Variants in TJP1 observed in about 807,000 individuals in gnomAD.
The protein encoded by TJP1 is tight junction protein ZO-1.
In TJP1, 43 loss-of-function variants were observed where a neutral mutation model predicts 194.2. The ratio of observed to expected loss-of-function variants is 0.22; its 90% CI spans 0.17 to 0.29. The LOEUF is 0.29. TJP1 is among the 10% of genes least tolerant of loss of function. TJP1 has a pLI of 1.00. For missense variants in TJP1, 1,971 were observed against 2,185.7 expected (o/e 0.90, Z 1.96); for synonymous variants, 801 against 779.0 (o/e 1.03, Z -0.47).
chr15:29,709,181 G>T, intron 24 of TJP1, 145 bp from the exon 25 acceptor site: 3 of 728,976 alleles, frequency 4.1e-6, no homozygotes, highest in Non-Finnish European at 6.7e-6. Context: ...TGGAGGCTAG[G>T]TGTGATGCTG....
intron 2 of TJP1, among the ~76,000 whole-genome samples, chr15:29,859,426 T>G (rs1176247985): frequency 6.6e-6 from 1 of 152,216 alleles, no homozygotes; most frequent in Non-Finnish European, 1.5e-5. Flanking sequence ...CTCCATCATC[T>G]GATTATGAAA....
At chr15:29,777,736 C>CT (rs2047107602) in intron 2 of TJP1, among the ~76,000 whole-genome samples, 1 of 152,078 alleles carries the variant, frequency 6.6e-6, no homozygotes, top group Non-Finnish European at 1.5e-5. Context: ...ACAGAGCAAA[C>CT]TAACTTCTAG....
intron 2 of TJP1, among the ~76,000 whole-genome samples, chr15:29,918,171 T>C (rs2054245490): frequency 6.6e-6 from 1 of 152,254 alleles, no homozygotes; most frequent in Non-Finnish European, 1.5e-5. Context: ...CCTTCCTTTT[T>C]AAAGCTGAAT....
chr15:29,761,680 T>G lies in TJP1; in HGVS notation c.783A>C (p.Gln261His). 1 of 1,610,628 alleles carries G rather than the reference T, an allele frequency of 6.2e-7. No individual in the cohort carries two copies. Among genetic ancestry groups the G allele is most frequent in the Non-Finnish European group, 8.5e-7 (1 of 1,177,156 alleles). ...TCAATAGCGTAGCCCGTTCATCTCT[T>G]TGAACTACCATTTTTAATTTGCCTT... ...RSKGKLKMVV[Q>H]RDERATLLNV... is the part of the protein sequence containing the mutation. Residue 261 changes from glutamine (Q) to histidine (H), a missense_variant, in exon 7 of 28, where the codon CAA (glutamine) becomes CAC (histidine). This residue lies in a region of TJP1 where 245 missense variants were observed against 336.6 expected (regional missense o/e 0.73). Transcript: ENST00000614355.
rs777548424 is a variant in TJP1 at position 29,828,599 on chromosome 15, T to C, written c.307-27897A>G. ...CCCCCATATGAACACTTGATAATAT[T>C]AATCTTTTATAGTTTCACCTATCTG... On this transcript the variant is annotated intron_variant, in intron 2 of 28. Coordinates refer to the TJP1 transcript ENST00000356107. Among the ~76,000 whole-genome samples the C allele has an allele frequency of 2.0e-5, 3 of 152,220 alleles. No homozygotes were observed. The East Asian group carries it at 5.8e-4, about 29-fold the overall frequency.
At chr15:29,751,002 G>C (rs1228717190) in intron 8 of TJP1, among the ~76,000 whole-genome samples, 1 of 152,194 alleles carries the variant, frequency 6.6e-6, no homozygotes, top group Non-Finnish European at 1.5e-5. Context: ...CAAAAAGACA[G>C]AAAAGTGAAG....
chr15:29,728,089 TG>T lies in TJP1; in HGVS notation c.2018-71del. On this transcript the variant is annotated intron_variant, in intron 15 of 27. Coordinates refer to ENST00000614355, the MANE Select transcript of TJP1 (RefSeq NM_001330239.4). Reference sequence around the variant, plus strand: ...GGTTAGACAGGAGTTTCTCAACTACTGGCCACAACTGATATGCCGGACTGGA... The same window carrying T: ...GGTTAGACAGGAGTTTCTCAACTACTGCCACAACTGATATGCCGGACTGGA... The T allele has an allele frequency of 2.4e-6, 3 of 1,233,250 alleles. No individual in the cohort carries two copies. In the South Asian group the frequency reaches 3.6e-5, roughly 15 times the overall value. 76.4% of individuals were successfully genotyped at this position (1,233,250 alleles called of 1,614,324 possible).
chr15:29,850,800 C>A (rs1049415160), intron 2 of TJP1, among the ~76,000 whole-genome samples: 1 of 151,222 alleles, frequency 6.6e-6, no homozygotes, highest in Non-Finnish European at 1.5e-5. Context: ...CGGGGGGTAA[C>A]AGAGCAAAAC....
chr15:29,773,158 G>A, intron 3 of TJP1, 75 bp downstream of exon 3: 4 of 1,564,528 alleles, frequency 2.6e-6, no homozygotes, highest in South Asian at 1.2e-5. Flanking sequence ...CTAAGACAGT[G>A]TAAGACAGTA....
chr15:29,887,576 C>G (rs777869158), intron 2 of TJP1, among the ~76,000 whole-genome samples: 6 of 152,040 alleles, frequency 3.9e-5, no homozygotes, highest in Non-Finnish European at 7.4e-5. Flanking sequence ...GCTGGGATTA[C>G]AGGCATGAGC....
chr15:29,719,693 G>A (rs1328926823), intron 20 of TJP1, 84 bp downstream of exon 20: 2 of 1,524,682 alleles, frequency 1.3e-6, no homozygotes, highest in East Asian at 2.3e-5. Flanking sequence ...AAAGCAAAAG[G>A]AACACTTAAA....
At chr15:29,949,208 A>T (rs1470422891) in intron 2 of TJP1, among the ~76,000 whole-genome samples, 69 of 114,892 alleles carry the variant, frequency 6.0e-4, no homozygotes, top group Non-Finnish European at 8.2e-4. Context: ...CACCTCCACC[A>T]CCACCACCTC....
intron 2 of TJP1, among the ~76,000 whole-genome samples, chr15:29,901,794 C>A (rs2152199008): frequency 6.7e-6 from 1 of 149,944 alleles, no homozygotes; most frequent in South Asian, 2.1e-4. Context: ...GCATTCCAGC[C>A]TGGGCAACAG....
intron 2 of TJP1, among the ~76,000 whole-genome samples, chr15:29,888,204 T>G (rs2053185886): frequency 6.6e-6 from 1 of 152,036 alleles, no homozygotes; most frequent in Admixed American, 6.6e-5. Context: ...AAATATAGAT[T>G]TATATATGAA....
At chr15:29,931,271 G>A (rs1333784991) in intron 2 of TJP1, among the ~76,000 whole-genome samples, 3 of 152,058 alleles carry the variant, frequency 2.0e-5, no homozygotes, top group Admixed American at 2.0e-4. Context: ...GAAGAGGAGG[G>A]GTTGATCCTG....
chr15:29,718,240 A>G, intron 21 of TJP1, 26 bp downstream of exon 21: 3 of 1,605,138 alleles, frequency 1.9e-6, no homozygotes, highest in South Asian at 2.2e-5. Flanking sequence ...GTGCCCATGC[A>G]TCCAAGGCAC....
chr15:29,727,661 A>G (rs1210375764), intron 16 of TJP1, among the ~76,000 whole-genome samples: 3 of 152,216 alleles, frequency 2.0e-5, no homozygotes, highest in African/African-American at 7.2e-5. Flanking sequence ...AACAAACTAC[A>G]ACTTGAATTG....
rs1353622321 is a variant in TJP1 at position 29,965,181 on chromosome 15, C to T, written c.173+3486G>A. 2.2e-5 allele frequency among the ~76,000 whole-genome samples: 3 copies of T among 134,868 alleles called. No individual in the cohort carries two copies. The East Asian group carries it at 6.3e-4, about 28-fold the overall frequency. 88.5% of individuals were successfully genotyped at this position (134,868 alleles called of 152,430 possible). On this transcript the variant is annotated intron_variant, in intron 1 of 28. Transcript: ENST00000356107. ...GCCTTGACCAGTTTTCATAATACAT[C>T]CTCACATTTATTTATTTATTTATTT... is the stretch of plus-strand genomic sequence containing the variant.
rs116166357 is a variant in TJP1, at chr15:29,934,428, T to C, written c.306+21804A>G. Among the ~76,000 whole-genome samples the C allele has an allele frequency of 6.5e-3, 996 of 152,324 alleles. 10 individuals are homozygous for C. Among genetic ancestry groups the C allele is most frequent in the African/African-American group, 0.023 (947 of 41,570 alleles). Reference sequence around the variant, plus strand: ...ACAAGGAATGTAATGATTCACAGTATTGGCATTAAGTTTATATTGAGGTTG... The same window carrying C: ...ACAAGGAATGTAATGATTCACAGTACTGGCATTAAGTTTATATTGAGGTTG... On this transcript the variant is annotated intron_variant, in intron 2 of 28. Coordinates refer to the TJP1 transcript ENST00000356107.
Sources: allele counts gnomAD v4.1 joint callset (sites outside exome capture counted in the v4.1 genomes callset), GRCh38; gene constraint gnomAD v4.1.1; regional missense constraint gnomAD v4.1.1; transcripts MANE v1.5; gene names NCBI Gene and HGNC (gene_info 2026-07-23, HGNC 2026-07-21).